Variants in SAMD5 observed in about 807,000 individuals in gnomAD.
The protein encoded by SAMD5 is sterile alpha motif domain-containing protein 5.
Under a neutral mutation model 11.3 loss-of-function variants are expected in SAMD5, and 13 were observed. The observed-to-expected ratio is 1.15, with a 90% CI of 0.75 to 1.83. SAMD5 has a LOEUF of 1.83. SAMD5 is among the 40% of genes most tolerant of loss of function. The pLI, the probability that SAMD5 is intolerant of heterozygous loss-of-function variation, is 0.00. For synonymous variants in SAMD5, 129 were observed against 111.3 expected, an observed-to-expected ratio of 1.16 and a Z score of -1.00; for missense variants, 255 against 239.1, an observed-to-expected ratio of 1.07 and a Z score of -0.44.
chr6:147,671,755 G>A (rs1440686348), intron 1 of SAMD5, among the ~76,000 whole-genome samples: 1 of 151,846 alleles, frequency 6.6e-6, no homozygotes, highest in African/African-American at 2.4e-5. Context: ...AATGTCAATT[G>A]CTTATCTTTT....
chr6:147,641,097 T>G (rs1205380665), intron 1 of SAMD5, among the ~76,000 whole-genome samples: 1 of 152,182 alleles, frequency 6.6e-6, no homozygotes, highest in African/African-American at 2.4e-5. Context: ...AGTGATTGCT[T>G]TGTTGAATGG....
At chr6:147,907,808 A>G in the SAMD5 span, among the ~76,000 whole-genome samples, 11,617 of 152,138 alleles carry the variant, frequency 0.076, 606 homozygotes, top group East Asian at 0.27. Context: ...TGCACAGTTC[A>G]TTTTTCAGTT....
At chr6:147,541,565 G>A (rs953446840) in intron 1 of SAMD5, among the ~76,000 whole-genome samples, 1 of 152,134 alleles carries the variant, frequency 6.6e-6, no homozygotes, top group Non-Finnish European at 1.5e-5. Context: ...TACCCAGAGA[G>A]ACAGGCCTGT....
intron 1 of SAMD5, among the ~76,000 whole-genome samples, chr6:147,666,063 C>A (rs1023589704): frequency 6.6e-6 from 1 of 152,076 alleles, no homozygotes; most frequent in African/African-American, 2.4e-5. Flanking sequence ...CTCGGCCTCC[C>A]GAGTAGCTGG....
At chr6:147,696,661 A>G (rs1156495446) in intron 1 of SAMD5, among the ~76,000 whole-genome samples, 2 of 152,164 alleles carry the variant, frequency 1.3e-5, no homozygotes, top group Non-Finnish European at 2.9e-5. Flanking sequence ...GAGTTTTCCT[A>G]AGCTGTGTTG....
At chr6:147,573,229 T>A (rs1452257864), downstream of SAMD5, among the ~76,000 whole-genome samples, 3 of 152,186 alleles carry the variant, frequency 2.0e-5, no homozygotes. Context: ...GCTATAAAGC[T>A]ACTACCTGAG....
chr6:147,603,263 A>G (rs1199584308), intron 1 of SAMD5, among the ~76,000 whole-genome samples: 1 of 152,218 alleles, frequency 6.6e-6, no homozygotes, highest in African/African-American at 2.4e-5. Flanking sequence ...ACACAATTTC[A>G]GGCCCACAGA....
chr6:147,896,633 ATTAT>A, the SAMD5 span, among the ~76,000 whole-genome samples: 1 of 151,238 alleles, frequency 6.6e-6, no homozygotes, highest in Non-Finnish European at 1.5e-5. Flanking sequence ...AAGTAACAAT[ATTAT>A]TTAAACTAAA....
chr6:147,951,918 G>A, the SAMD5 span, among the ~76,000 whole-genome samples: 1 of 152,134 alleles, frequency 6.6e-6, no homozygotes, highest in Non-Finnish European at 1.5e-5. Context: ...GCCACATCGG[G>A]ATACATAGAA....
chr6:147,950,429 A>G, the SAMD5 span, among the ~76,000 whole-genome samples: 1 of 152,140 alleles, frequency 6.6e-6, no homozygotes, highest in Non-Finnish European at 1.5e-5. Flanking sequence ...AGCTGCATCA[A>G]GGTTTGTGCG....
intron 1 of SAMD5, among the ~76,000 whole-genome samples, chr6:147,510,559 T>A (rs1464201537): frequency 6.6e-6 from 1 of 152,216 alleles, no homozygotes; most frequent in Admixed American, 6.5e-5. Context: ...TGTGTGGGTA[T>A]CTTGGGCCCT....
At chr6:147,780,961 A>T in the SAMD5 span, among the ~76,000 whole-genome samples, 2 of 152,182 alleles carry the variant, frequency 1.3e-5, no homozygotes, top group Admixed American at 6.5e-5. Flanking sequence ...AATTCACATT[A>T]TTTAAGTTCA....
the SAMD5 span, among the ~76,000 whole-genome samples, chr6:147,744,346 TATCTA>T: frequency 1.3e-5 from 2 of 152,190 alleles, no homozygotes; most frequent in East Asian, 1.9e-4. Context: ...AATACATACT[TATCTA>T]AGTAAAATAA....
chr6:147,677,008 T>A (rs1003604542), intron 1 of SAMD5, among the ~76,000 whole-genome samples: 2 of 151,906 alleles, frequency 1.3e-5, no homozygotes, highest in Non-Finnish European at 2.9e-5. Flanking sequence ...AAAGGAGGAT[T>A]TTCTTTCTTA....
the SAMD5 span, among the ~76,000 whole-genome samples, chr6:147,808,949 A>G: frequency 1.3e-5 from 2 of 152,224 alleles, no homozygotes; most frequent in African/African-American, 4.8e-5. Context: ...TGATAATTCC[A>G]TCAAATAATT....
chr6:147,646,129 A>G (rs931368307), intron 1 of SAMD5, among the ~76,000 whole-genome samples: 1 of 151,666 alleles, frequency 6.6e-6, no homozygotes, highest in African/African-American at 2.4e-5. Flanking sequence ...AGAGGTGCCA[A>G]CCCCCTGTGC....
chr6:147,808,982 CAGA>C, the SAMD5 span, among the ~76,000 whole-genome samples: 1 of 152,068 alleles, frequency 6.6e-6, no homozygotes, highest in Non-Finnish European at 1.5e-5. Context: ...TATAAACAGA[CAGA>C]AGCGAAGTTT....
chr6:147,693,541 T>C (rs1355624948), intron 1 of SAMD5, among the ~76,000 whole-genome samples: 6 of 152,196 alleles, frequency 3.9e-5, no homozygotes, highest in Non-Finnish European at 1.5e-5. Flanking sequence ...TAATAATCTA[T>C]TTATAACAGG....
At chr6:147,772,873 C>T in the SAMD5 span, among the ~76,000 whole-genome samples, 1 of 152,070 alleles carries the variant, frequency 6.6e-6, no homozygotes, top group Non-Finnish European at 1.5e-5. Context: ...AGAGAATGGC[C>T]CATAACAGTG....
Sources: gnomAD v4.1 joint callset for allele counts (sites outside exome capture counted in the v4.1 genomes callset) on GRCh38, gnomAD v4.1.1 for gene constraint, MANE v1.5 for transcripts, NCBI Gene and HGNC (gene_info 2026-07-23, HGNC 2026-07-21) for gene names.